TCF12: variants seen among roughly 807,000 people sequenced by gnomAD.
The protein encoded by TCF12 is transcription factor 12.
A neutral mutation model predicts 86.0 loss-of-function variants in TCF12; 45 were observed. That is an observed-to-expected ratio of 0.52 (90% CI 0.41 to 0.67). The LOEUF (loss-of-function observed/expected upper bound fraction) is 0.67. Among genes scored for constraint, TCF12 ranks in the 30% least tolerant of loss-of-function variants. The pLI is 0.00. For missense variants in TCF12, 881 were observed against 859.9 expected (o/e 1.02, Z -0.31); for synonymous variants, 330 against 299.6 (o/e 1.10, Z -1.05).
At chr15:57,217,158 T>A (rs1264102463) in intron 8 of TCF12, among the ~76,000 whole-genome samples, 1 of 152,194 alleles carries the variant, frequency 6.6e-6, no homozygotes, top group East Asian at 1.9e-4. Flanking sequence ...GCAAAAGCTT[T>A]TAATTAGTTA....
chr15:57,121,130 A>G (rs139743954), intron 5 of TCF12, among the ~76,000 whole-genome samples: 132 of 152,362 alleles, frequency 8.7e-4, no homozygotes, highest in African/African-American at 3.1e-3. Flanking sequence ...GCTGACATAC[A>G]TTCCAGAGGC....
chr15:56,963,149 A>G (rs2061847246), intron 3 of TCF12, among the ~76,000 whole-genome samples: 1 of 149,378 alleles, frequency 6.7e-6, no homozygotes, highest in Non-Finnish European at 1.5e-5. Context: ...CTATTATAGT[A>G]CTTGTTTTTG....
chr15:57,115,040 G>T (rs915265197), intron 5 of TCF12, among the ~76,000 whole-genome samples: 6 of 152,066 alleles, frequency 3.9e-5, no homozygotes, highest in Admixed American at 2.6e-4. Context: ...TTAAATGTCT[G>T]ATTGAGCTTT....
At chr15:57,141,366 T>G (rs560264331) in intron 5 of TCF12, among the ~76,000 whole-genome samples, 3 of 152,212 alleles carry the variant, frequency 2.0e-5, no homozygotes, top group African/African-American at 7.2e-5. Context: ...ATTGATTGAT[T>G]GAGATGGGGT....
chr15:57,036,647 T>C (rs1428155785), intron 3 of TCF12, among the ~76,000 whole-genome samples: 1 of 152,216 alleles, frequency 6.6e-6, no homozygotes, highest in Non-Finnish European at 1.5e-5. Flanking sequence ...TGTTTGCTTA[T>C]TTTCTTTGGA....
Position 57,182,097 on chromosome 15 carries a change from A to G in TCF12, c.391-10061A>G, listed in dbSNP as rs191548358. Among the ~76,000 whole-genome samples the G allele has an allele frequency of 1.2e-4, 18 of 152,302 alleles. No individual in the cohort carries two copies. The South Asian group carries it at 1.7e-3, about 14-fold the overall frequency. On this transcript the variant is annotated intron_variant, in intron 6 of 20. Coordinates refer to ENST00000333725, the MANE Select transcript of TCF12 (RefSeq NM_207037.2). ...CAATAAAACTGCTTTGCCTAGTTCT[A>G]TATCCTCTGGGATCGTTCTGTATTC... is the stretch of plus-strand genomic sequence containing the variant.
At chr15:57,263,399 G>T in intron 18 of TCF12, 125 bp downstream of exon 18, 1 of 980,740 alleles carries the variant, frequency 1.0e-6, no homozygotes, top group Non-Finnish European at 1.5e-6. Flanking sequence ...GGATTTTTGT[G>T]TATGTTGTCT....
At chr15:57,247,500 C>T (rs1438428361) in intron 13 of TCF12, 5 of 804,092 alleles carry the variant, frequency 6.2e-6, no homozygotes, top group African/African-American at 5.0e-5. Context: ...TTCTGAACAA[C>T]AATTTTATCA....
chr15:57,245,766 A>C (rs1802147409), intron 13 of TCF12, among the ~76,000 whole-genome samples: 4 of 152,154 alleles, frequency 2.6e-5, no homozygotes, highest in Admixed American at 2.6e-4. Context: ...CAGGTTGTTA[A>C]TGAAAATCTG....
At position 57,278,126 on chromosome 15, in the gene TCF12, C is replaced by G. The variant is rs369779247; in HGVS notation, c.1979-4319C>G. Among the ~76,000 whole-genome samples, 17 of 152,114 alleles carry G rather than the reference C, an allele frequency of 1.1e-4. 1 individual carries two copies. The highest frequency in any genetic ancestry group is 7.2e-4 in the Admixed American group (11 of 15,272). On this transcript the variant is annotated intron_variant, in intron 19 of 20. Transcript: ENST00000333725. The stretch of plus-strand genomic sequence containing the variant: ...GAACTGCAGGCATTAGCCACCACAC[C>G]TGGCTCGTGTATATTTTTTCAGAAA...
At chr15:57,019,585 G>A (rs1009670616) in intron 3 of TCF12, among the ~76,000 whole-genome samples, 4 of 152,102 alleles carry the variant, frequency 2.6e-5, no homozygotes, top group East Asian at 3.9e-4. Context: ...ACGGAAAAAC[G>A]GTCTTCATGT....
intron 6 of TCF12, 102 bp from the exon 7 acceptor site, chr15:57,192,056 A>T: frequency 7.4e-7 from 1 of 1,356,258 alleles, no homozygotes; most frequent in Non-Finnish European, 1.0e-6. Flanking sequence ...GTTCTAAGTT[A>T]AGACATTGCT....
intron 3 of TCF12, among the ~76,000 whole-genome samples, chr15:56,984,998 T>C (rs1567205974): frequency 6.6e-6 from 1 of 152,204 alleles, no homozygotes; most frequent in Non-Finnish European, 1.5e-5. Context: ...TACTCAATTA[T>C]AGCAACTAAA....
At chr15:57,035,430 AT>A (rs2066446945) in intron 3 of TCF12, among the ~76,000 whole-genome samples, 1 of 152,002 alleles carries the variant, frequency 6.6e-6, no homozygotes, top group South Asian at 2.1e-4. Flanking sequence ...TGCCTGGCTA[AT>A]TTTTTAAAAT....
At chr15:57,015,929 A>G (rs1326344681) in intron 3 of TCF12, among the ~76,000 whole-genome samples, 1 of 152,162 alleles carries the variant, frequency 6.6e-6, no homozygotes, top group Non-Finnish European at 1.5e-5. Flanking sequence ...CCTTACCAGA[A>G]ACATAATGAC....
intron 5 of TCF12, among the ~76,000 whole-genome samples, chr15:57,142,519 CAAAAT>C (rs1356106036): frequency 1.0e-5 from 1 of 97,668 alleles, no homozygotes; most frequent in Non-Finnish European, 2.5e-5. Context: ...TTTTGAACAA[CAAAAT>C]AAATAGTGAT....
intron 3 of TCF12, among the ~76,000 whole-genome samples, chr15:57,055,259 G>T (rs1048372586): frequency 2.0e-5 from 3 of 152,040 alleles, no homozygotes; most frequent in African/African-American, 7.2e-5. Context: ...AAAATTAGCC[G>T]AGTGTGGTGG....
intron 3 of TCF12, among the ~76,000 whole-genome samples, chr15:57,061,475 G>A (rs1390854187): frequency 6.6e-6 from 1 of 152,134 alleles, no homozygotes; most frequent in South Asian, 2.1e-4. Context: ...ATTGTGGCAT[G>A]TTCCTATAGT....
intron 4 of TCF12, among the ~76,000 whole-genome samples, chr15:57,081,795 C>T (rs1470628261): frequency 6.6e-6 from 1 of 152,164 alleles, no homozygotes; most frequent in Non-Finnish European, 1.5e-5. Flanking sequence ...TCTCGAACTC[C>T]TGACCTCAAG....
Sources: gnomAD v4.1 joint callset for allele counts (sites outside exome capture counted in the v4.1 genomes callset) on GRCh38, gnomAD v4.1.1 for gene constraint, MANE v1.5 for transcripts, NCBI Gene and HGNC (gene_info 2026-07-23, HGNC 2026-07-21) for gene names.